The following PCDH15 variants were observed in gnomAD, a reference collection of about 807,000 sequenced individuals.
PCDH15 encodes the protein protocadherin related 15, also known as protocadherin-15.
In PCDH15, 129 loss-of-function variants were observed where a neutral mutation model predicts 178.5. The ratio of observed to expected loss-of-function variants is 0.72; its 90% CI spans 0.63 to 0.84. The LOEUF (loss-of-function observed/expected upper bound fraction) is 0.84, where lower values mean the gene tolerates loss of function less well. Ranked by LOEUF, PCDH15 falls within the 40% of genes least tolerant of loss-of-function variation. The pLI is 0.00. For synonymous variants in PCDH15, 800 were observed against 732.0 expected (o/e 1.09, Z -1.50); for missense variants, 2,230 against 2,099.9 (o/e 1.06, Z -1.21).
At chr10:54,562,405 T>G (rs2088309022) in intron 2 of PCDH15, among the ~76,000 whole-genome samples, 1 of 152,106 alleles carries the variant, frequency 6.6e-6, no homozygotes, top group African/African-American at 2.4e-5. Flanking sequence ...AACTCAATAT[T>G]GATATCAAGA....
chr10:55,326,524 A>G (rs1844035767), intron 2 of PCDH15, among the ~76,000 whole-genome samples: 1 of 152,194 alleles, frequency 6.6e-6, no homozygotes, highest in South Asian at 2.1e-4. Flanking sequence ...ACAAACATGC[A>G]CATGTATACA....
intron 29 of PCDH15, among the ~76,000 whole-genome samples, chr10:53,833,422 T>C (rs984752042): frequency 1.3e-5 from 2 of 152,116 alleles, no homozygotes; most frequent in Non-Finnish European, 1.5e-5. Context: ...CTAGACTATC[T>C]TTCTTTACTT....
intron 1 of PCDH15, among the ~76,000 whole-genome samples, chr10:54,730,419 G>A (rs564142806): frequency 6.6e-6 from 1 of 151,508 alleles, no homozygotes; most frequent in Non-Finnish European, 1.5e-5. Context: ...TGGGAGTTGA[G>A]GATCAAAAAG....
At chr10:54,490,203 C>A (rs2079451778) in intron 3 of PCDH15, among the ~76,000 whole-genome samples, 1 of 152,146 alleles carries the variant, frequency 6.6e-6, no homozygotes, top group Non-Finnish European at 1.5e-5. Flanking sequence ...ATAATCCCAG[C>A]ACTTTGGGAG....
chr10:55,365,581 C>T (rs945245732), intron 2 of PCDH15, among the ~76,000 whole-genome samples: 1 of 151,990 alleles, frequency 6.6e-6, no homozygotes, highest in Non-Finnish European at 1.5e-5. Context: ...TGGGAGGAAC[C>T]CAGTGGGAGG....
At position 55,464,448 on chromosome 10, in the gene PCDH15, T is replaced by C. The variant is rs543798274; in HGVS notation, c.-156+163177A>G. ...AAGAAGATAGGTTCCCCAGAGCACC[T>C]GAGCAACAGATGGCAAGGAAGATGG... On this transcript the variant is annotated intron_variant, in intron 2 of 5. Coordinates refer to the PCDH15 transcript ENST00000613346. Among the ~76,000 whole-genome samples, 161 of 152,040 alleles carry C rather than the reference T, an allele frequency of 1.1e-3. 2 individuals are homozygous for C. Among genetic ancestry groups the C allele is most frequent in the African/African-American group, 3.7e-3 (154 of 41,488 alleles).
At chr10:53,826,656 T>C (rs1588962939) in intron 32 of PCDH15, among the ~76,000 whole-genome samples, 1 of 152,228 alleles carries the variant, frequency 6.6e-6, no homozygotes, top group Non-Finnish European at 1.5e-5. Context: ...ATTATGAGGG[T>C]AGCATCATTA....
At chr10:55,450,901 A>G (rs978742797) in intron 2 of PCDH15, among the ~76,000 whole-genome samples, 2 of 149,934 alleles carry the variant, frequency 1.3e-5, no homozygotes, top group African/African-American at 4.9e-5. Context: ...AATATGAATA[A>G]AACATGTGAA....
rs566979647 is a variant in PCDH15 at position 55,112,394 on chromosome 10, G to A, written c.-80+54182C>T. Among the ~76,000 whole-genome samples, 38 of 152,268 alleles carry A rather than the reference G, an allele frequency of 2.5e-4. 1 individual carries two copies. Among genetic ancestry groups the A allele is most frequent in the Admixed American group, 5.2e-4 (8 of 15,288 alleles). On this transcript the variant is annotated intron_variant, in intron 2 of 5. Coordinates refer to the PCDH15 transcript ENST00000458638. The stretch of plus-strand genomic sequence containing the variant: ...CATAAGAGGGCCCTCACTGAGACAG[G>A]AGAATTGGGAAAGCGAAGCAGGAAA...
At chr10:54,957,720 C>T in intron 2 of PCDH15, among the ~76,000 whole-genome samples, 1 of 151,496 alleles carries the variant, frequency 6.6e-6, no homozygotes, top group East Asian at 1.9e-4. Flanking sequence ...TTTACATCTC[C>T]AACGTATCCA....
intron 2 of PCDH15, among the ~76,000 whole-genome samples, chr10:55,416,637 CAG>C (rs1368974846): frequency 6.6e-6 from 1 of 151,530 alleles, no homozygotes; most frequent in East Asian, 1.9e-4. Flanking sequence ...AAGCTAAATT[CAG>C]AGTTTAACAG....
intron 3 of PCDH15, among the ~76,000 whole-genome samples, chr10:54,431,996 C>T (rs1957022839): frequency 6.6e-6 from 1 of 151,312 alleles, no homozygotes; most frequent in Non-Finnish European, 1.5e-5. Flanking sequence ...AAATAATATA[C>T]CTAAGAATTA....
chr10:53,855,897 G>GAGA (rs2078690015), intron 28 of PCDH15, among the ~76,000 whole-genome samples: 1 of 78,926 alleles, frequency 1.3e-5, no homozygotes, highest in African/African-American at 1.1e-4. Flanking sequence ...AAAAAAAAAG[G>GAGA]TGATATGTAT....
chr10:54,683,302 C>G (rs1280796780), intron 1 of PCDH15, among the ~76,000 whole-genome samples: 2 of 151,944 alleles, frequency 1.3e-5, no homozygotes, highest in Non-Finnish European at 2.9e-5. Flanking sequence ...AACTTTTCAT[C>G]GTTACAAACT....
chr10:55,188,981 AATT>A (rs1277632100), intron 1 of PCDH15, among the ~76,000 whole-genome samples: 2 of 151,934 alleles, frequency 1.3e-5, no homozygotes, highest in Non-Finnish European at 2.9e-5. Context: ...AGAGAAAAAT[AATT>A]ATTCATATCA....
chr10:55,521,169 T>A (rs769033766), intron 2 of PCDH15, among the ~76,000 whole-genome samples: 14 of 152,028 alleles, frequency 9.2e-5, no homozygotes, highest in Non-Finnish European at 1.8e-4. Context: ...TGAGATCATA[T>A]GGTATTTGTC....
At chr10:54,608,954 A>G (rs143809301) in intron 2 of PCDH15, among the ~76,000 whole-genome samples, 3,928 of 152,230 alleles carry the variant, frequency 0.026, 73 homozygotes, top group Non-Finnish European at 0.039. Context: ...TACTCAATCT[A>G]TAAGATGTAT....
chr10:55,605,594 A>G (rs1301507714), intron 2 of PCDH15, among the ~76,000 whole-genome samples: 9 of 150,468 alleles, frequency 6.0e-5, no homozygotes, highest in Middle Eastern at 3.4e-3. Flanking sequence ...GGTTCATTAT[A>G]CGCAAATCAA....
chr10:53,912,281 T>C (rs1379201863), intron 25 of PCDH15, among the ~76,000 whole-genome samples: 1 of 152,168 alleles, frequency 6.6e-6, no homozygotes, highest in Non-Finnish European at 1.5e-5. Context: ...AAACTAGGTA[T>C]TGATGGAACA....
Sources: allele counts gnomAD v4.1 joint callset (sites outside exome capture counted in the v4.1 genomes callset), GRCh38; gene constraint gnomAD v4.1.1; transcripts MANE v1.5; gene names NCBI Gene and HGNC (gene_info 2026-07-23, HGNC 2026-07-21).